ELAPOR2: variants seen among roughly 807,000 people sequenced by gnomAD.
The protein encoded by ELAPOR2 is endosome/lysosome-associated apoptosis and autophagy regulator family member 2.
In ELAPOR2, 89 loss-of-function variants were observed where a neutral mutation model predicts 120.7. The ratio of observed to expected loss-of-function variants is 0.74; its 90% CI spans 0.62 to 0.88. The LOEUF (loss-of-function observed/expected upper bound fraction) is 0.88. Ranked by LOEUF, ELAPOR2 falls within the 40% of genes least tolerant of loss-of-function variation. The pLI is 0.00. For synonymous variants in ELAPOR2, 444 were observed against 444.9 expected (o/e 1.00, Z 0.03); for missense variants, 1,134 against 1,251.6 (o/e 0.91, Z 1.42).
At chr7:86,895,601 A>C (rs1473311235) in intron 19 of ELAPOR2, among the ~76,000 whole-genome samples, 1 of 152,150 alleles carries the variant, frequency 6.6e-6, no homozygotes, top group Non-Finnish European at 1.5e-5. Flanking sequence ...AGAATCACAC[A>C]GCAACTATCT....
chr7:87,028,650 T>G (rs975637690), intron 1 of ELAPOR2, among the ~76,000 whole-genome samples: 2 of 152,184 alleles, frequency 1.3e-5, no homozygotes, highest in Non-Finnish European at 2.9e-5. Context: ...CTAACTCCTT[T>G]GTTGTTACCC....
intron 9 of ELAPOR2, among the ~76,000 whole-genome samples, chr7:86,925,887 G>C (rs920915334): frequency 6.6e-6 from 1 of 151,886 alleles, no homozygotes; most frequent in African/African-American, 2.4e-5. Flanking sequence ...AATGAAAAAG[G>C]AAAAGGACAG....
intron 2 of ELAPOR2, among the ~76,000 whole-genome samples, chr7:86,959,320 C>A (rs1032876865): frequency 4.6e-5 from 7 of 151,906 alleles, no homozygotes; most frequent in African/African-American, 1.7e-4. Context: ...ATTTCTTTTT[C>A]TTGCCTAATT....
chr7:87,048,027 C>G (rs1584043102), intron 1 of ELAPOR2, among the ~76,000 whole-genome samples: 1 of 152,124 alleles, frequency 6.6e-6, no homozygotes. Flanking sequence ...GGGCGGATCA[C>G]AAGGTCAAGA....
rs771196055 is a variant in ELAPOR2 at position 86,880,492 on chromosome 7, G to C, written c.3069C>G (p.Thr1023=). 1.2e-6 allele frequency: 2 copies of C among 1,609,790 alleles called. No homozygotes were observed. The highest frequency in any genetic ancestry group is 1.7e-6 in the Non-Finnish European group (2 of 1,176,562). Reference sequence around the variant, plus strand: ...CTCTTCATATATTTGGGGATCTTGAGGTTTTCAGTTGAACAGATTCAAAAT... The same window carrying C: ...CTCTTCATATATTTGGGGATCTTGACGTTTTCAGTTGAACAGATTCAAAAT... ...EDHFESVQLK[T]SRSPNI Residue 1023 remains threonine, a synonymous_variant, in exon 22 of 22, where the codon ACC becomes ACG. Coordinates refer to ENST00000450689, the MANE Select transcript of ELAPOR2 (RefSeq NM_001142749.3).
chr7:86,952,471 G>C (rs568428094), intron 2 of ELAPOR2, among the ~76,000 whole-genome samples: 46 of 152,108 alleles, frequency 3.0e-4, no homozygotes, highest in Admixed American at 1.3e-4. Flanking sequence ...AATACAAAAA[G>C]GGCAAACAAT....
chr7:86,998,009 T>C (rs1007137744), intron 1 of ELAPOR2, among the ~76,000 whole-genome samples: 5 of 152,056 alleles, frequency 3.3e-5, no homozygotes, highest in African/African-American at 1.2e-4. Context: ...CACAACAATA[T>C]GTAAAGGTAG....
chr7:87,011,051 A>G (rs1793640947), intron 1 of ELAPOR2, among the ~76,000 whole-genome samples: 1 of 152,066 alleles, frequency 6.6e-6, no homozygotes, highest in Non-Finnish European at 1.5e-5. Context: ...GCGGGTCATG[A>G]GGTCAAGAGA....
chr7:86,916,335 T>C (rs1043653196), intron 12 of ELAPOR2, among the ~76,000 whole-genome samples: 8 of 152,310 alleles, frequency 5.3e-5, no homozygotes, highest in African/African-American at 1.7e-4. Flanking sequence ...GAGCTGCTAC[T>C]GAAGTATGAT....
chr7:86,897,575 A>C lies in ELAPOR2; in HGVS notation c.2616T>G (p.Ala872=), dbSNP rs765575200. 5 of 1,613,300 alleles carry C rather than the reference A, an allele frequency of 3.1e-6. No homozygotes were observed. The highest frequency in any genetic ancestry group is 4.2e-6 in the Non-Finnish European group (5 of 1,179,494). ...GCTFYFLWES[A]EACPLCTEHD... Reference sequence around the variant, plus strand: ...GCTCCGTACACAGAGGGCAAGCTTCAGCACTCTCCCACAGGAAATAGAACG... The same window carrying C: ...GCTCCGTACACAGAGGGCAAGCTTCCGCACTCTCCCACAGGAAATAGAACG... The change falls in exon 19 of 22, where the codon GCT becomes GCG. Residue 872 remains alanine (A), a synonymous_variant. Transcript: ENST00000450689.
intron 7 of ELAPOR2, 68 bp downstream of exon 7, chr7:86,938,740 G>A (rs1790674072): frequency 6.5e-7 from 1 of 1,543,650 alleles, no homozygotes; most frequent in South Asian, 1.2e-5. Context: ...GGTGACTTCT[G>A]GTTTATAAAT....
intron 1 of ELAPOR2, among the ~76,000 whole-genome samples, chr7:87,005,229 C>T (rs910930210): frequency 2.6e-5 from 4 of 152,102 alleles, no homozygotes; most frequent in Non-Finnish European, 5.9e-5. Flanking sequence ...AAAAGAAAGG[C>T]ATGTCAATTG....
At chr7:86,895,383 A>G (rs965104394) in intron 19 of ELAPOR2, among the ~76,000 whole-genome samples, 8 of 152,118 alleles carry the variant, frequency 5.3e-5, no homozygotes, top group Non-Finnish European at 1.2e-4. Context: ...CTCAGGAATG[A>G]CATTCATAGT....
intron 1 of ELAPOR2, among the ~76,000 whole-genome samples, chr7:86,977,701 G>A (rs1328396224): frequency 6.6e-6 from 1 of 152,012 alleles, no homozygotes; most frequent in Non-Finnish European, 1.5e-5. Flanking sequence ...TTAATATTTT[G>A]TTTTCTGATT....
At chr7:86,888,628 G>A (rs1477280297) in intron 21 of ELAPOR2, among the ~76,000 whole-genome samples, 2 of 152,104 alleles carry the variant, frequency 1.3e-5, no homozygotes, top group African/African-American at 4.8e-5. Context: ...CTGCCCCAGA[G>A]TAACACCAAC....
chr7:86,945,607 A>T (rs1790966800), intron 3 of ELAPOR2, among the ~76,000 whole-genome samples: 1 of 152,192 alleles, frequency 6.6e-6, no homozygotes, highest in Non-Finnish European at 1.5e-5. Context: ...TGTAGGGTTT[A>T]TAACATGTTT....
At chr7:86,907,015 A>C (rs911532549) in intron 18 of ELAPOR2, among the ~76,000 whole-genome samples, 1 of 152,188 alleles carries the variant, frequency 6.6e-6, no homozygotes, top group African/African-American at 2.4e-5. Flanking sequence ...TAAGTTGACA[A>C]TTCTGAGCCT....
At chr7:87,040,347 A>G (rs1794739324) in intron 1 of ELAPOR2, among the ~76,000 whole-genome samples, 1 of 152,182 alleles carries the variant, frequency 6.6e-6, no homozygotes, top group Non-Finnish European at 1.5e-5. Flanking sequence ...GACAGCAGTA[A>G]CCTCTGCAGA....
At chr7:86,956,925 C>T (rs955581207) in intron 2 of ELAPOR2, among the ~76,000 whole-genome samples, 1 of 152,168 alleles carries the variant, frequency 6.6e-6, no homozygotes, top group South Asian at 2.1e-4. Context: ...TTCTTATCAT[C>T]CTAAACTTTT....
Sources: gnomAD v4.1 joint callset for allele counts (sites outside exome capture counted in the v4.1 genomes callset) on GRCh38, gnomAD v4.1.1 for gene constraint, MANE v1.5 for transcripts, NCBI Gene and HGNC (gene_info 2026-07-23, HGNC 2026-07-21) for gene names.